The following COL25A1 variants were observed in gnomAD, a reference collection of about 807,000 sequenced individuals.
COL25A1 encodes the protein collagen type XXV alpha 1 chain.
In COL25A1, 103 loss-of-function variants were observed where a neutral mutation model predicts 128.4. The observed-to-expected ratio is 0.80, with a 90% CI of 0.68 to 0.94. COL25A1 has a LOEUF of 0.94. Among genes scored for constraint, COL25A1 ranks in the 40% least tolerant of loss-of-function variants. The pLI, the probability that COL25A1 is intolerant of heterozygous loss-of-function variation, is 0.00. For synonymous variants in COL25A1, 279 were observed against 277.2 expected, an observed-to-expected ratio of 1.01 and a Z score of -0.06; for missense variants, 745 against 840.0, an observed-to-expected ratio of 0.89 and a Z score of 1.40.
intron 6 of COL25A1, among the ~76,000 whole-genome samples, chr4:108,992,961 G>GTA (rs1754367979): frequency 6.6e-6 from 1 of 152,100 alleles, no homozygotes; most frequent in East Asian, 1.9e-4. Context: ...ATGTTCAGAA[G>GTA]TATATATACA....
At chr4:109,073,619 T>C (rs372431216) in intron 3 of COL25A1, among the ~76,000 whole-genome samples, 1 of 152,226 alleles carries the variant, frequency 6.6e-6, no homozygotes, top group African/African-American at 2.4e-5. Flanking sequence ...TTGTGTGGTC[T>C]ACTGATAATC....
intron 3 of COL25A1, among the ~76,000 whole-genome samples, chr4:109,232,692 G>A (rs1779238756): frequency 6.6e-6 from 1 of 152,104 alleles, no homozygotes; most frequent in African/African-American, 2.4e-5. Context: ...GACAAATCAT[G>A]TAATTTGGTC....
intron 3 of COL25A1, among the ~76,000 whole-genome samples, chr4:109,210,531 G>T (rs1394654568): frequency 6.6e-6 from 1 of 152,142 alleles, no homozygotes; most frequent in Non-Finnish European, 1.5e-5. Context: ...AAATTGCAAT[G>T]TGATCTTATT....
At position 109,277,010 on chromosome 4, in the gene COL25A1, A is replaced by G. The variant is rs190848352; in HGVS notation, c.367+23573T>C. On this transcript the variant is annotated intron_variant, in intron 3 of 37. Transcript: ENST00000399132. Reference sequence around the variant, plus strand: ...CTGTTATTCCTACAAGATAAATTTTAGATGCTTTCATATTCATTGCTCCCG... The same window carrying G: ...CTGTTATTCCTACAAGATAAATTTTGGATGCTTTCATATTCATTGCTCCCG... 1.1e-3 allele frequency among the ~76,000 whole-genome samples: 160 copies of G among 152,300 alleles called. 2 individuals carry two copies. The highest frequency in any genetic ancestry group is 3.5e-3 in the African/African-American group (146 of 41,568).
intron 8 of COL25A1, among the ~76,000 whole-genome samples, chr4:108,966,258 CAT>C (rs35439332): frequency 0.41 from 61,990 of 151,802 alleles, 13,018 homozygotes; most frequent in East Asian, 0.57. Context: ...TTCATCCATT[CAT>C]ATGTTTTCTG....
chr4:109,282,329 T>G (rs905747649), intron 3 of COL25A1, among the ~76,000 whole-genome samples: 1 of 152,148 alleles, frequency 6.6e-6, no homozygotes, highest in African/African-American at 2.4e-5. Context: ...TCAAGAGTGA[T>G]TATTATTAAC....
chr4:109,063,723 A>T (rs542245165), intron 3 of COL25A1, among the ~76,000 whole-genome samples: 5 of 152,270 alleles, frequency 3.3e-5, no homozygotes, highest in South Asian at 2.1e-4. Flanking sequence ...ACTGCAGCTT[A>T]CCATGAGACT....
intron 19 of COL25A1, among the ~76,000 whole-genome samples, chr4:108,880,065 T>A (rs1448284509): frequency 6.6e-6 from 1 of 152,216 alleles, no homozygotes; most frequent in Non-Finnish European, 1.5e-5. Flanking sequence ...CGCCTTGGCC[T>A]CCCAAAGTGC....
intron 3 of COL25A1, among the ~76,000 whole-genome samples, chr4:109,082,953 ATATTATT>A (rs1354304709): frequency 9.8e-5 from 15 of 152,302 alleles, no homozygotes; most frequent in African/African-American, 3.4e-4. Context: ...ATCTCATTAA[ATATTATT>A]AGATGAGAAA....
intron 27 of COL25A1, among the ~76,000 whole-genome samples, chr4:108,847,377 A>G (rs890418717): frequency 1.3e-5 from 2 of 152,036 alleles, no homozygotes; most frequent in African/African-American, 2.4e-5. Flanking sequence ...ATTAAAACCG[A>G]TGGAGAAAAA....
chr4:108,938,755 G>A (rs1460561370), intron 10 of COL25A1, among the ~76,000 whole-genome samples: 1 of 152,170 alleles, frequency 6.6e-6, no homozygotes, highest in African/African-American at 2.4e-5. Flanking sequence ...TACTCAGAAG[G>A]CTGAGACAGG....
intron 3 of COL25A1, among the ~76,000 whole-genome samples, chr4:109,268,796 C>T (rs994456718): frequency 2.0e-5 from 3 of 152,118 alleles, no homozygotes; most frequent in African/African-American, 4.8e-5. Context: ...GAACAAGCTG[C>T]CTAGCTAGTG....
intron 5 of COL25A1, among the ~76,000 whole-genome samples, chr4:109,046,354 A>G (rs1760430647): frequency 1.3e-5 from 2 of 152,228 alleles, no homozygotes; most frequent in African/African-American, 4.8e-5. Flanking sequence ...CAAGAAAGCG[A>G]GAGCTATATG....
chr4:108,831,683 A>G (rs377298259), intron 32 of COL25A1, among the ~76,000 whole-genome samples: 50 of 94,394 alleles, frequency 5.3e-4, no homozygotes, highest in African/African-American at 2.0e-3. Context: ...AAAGAGAGAG[A>G]GGGGGAGAGA....
intron 6 of COL25A1, among the ~76,000 whole-genome samples, chr4:108,980,503 G>A (rs1159820663): frequency 6.6e-6 from 1 of 152,196 alleles, no homozygotes; most frequent in Non-Finnish European, 1.5e-5. Flanking sequence ...ATCAAATAGA[G>A]TTTAAATCTG....
At chr4:109,122,826 G>A (rs1177374568) in intron 3 of COL25A1, among the ~76,000 whole-genome samples, 1 of 152,032 alleles carries the variant, frequency 6.6e-6, no homozygotes, top group African/African-American at 2.4e-5. Flanking sequence ...ATGGAACCAT[G>A]AACATAGAGA....
chr4:109,148,279 T>C (rs1046616029), intron 3 of COL25A1, among the ~76,000 whole-genome samples: 2 of 152,120 alleles, frequency 1.3e-5, no homozygotes, highest in African/African-American at 4.8e-5. Context: ...TATAAAAAAA[T>C]TGACATAAAA....
intron 6 of COL25A1, among the ~76,000 whole-genome samples, chr4:108,992,424 T>C (rs1754317735): frequency 6.6e-6 from 1 of 152,208 alleles, no homozygotes; most frequent in Admixed American, 6.5e-5. Flanking sequence ...AGTTTTAAAA[T>C]ATAACTAGCT....
chr4:108,943,993 ATG>A (rs1748442525), intron 8 of COL25A1, among the ~76,000 whole-genome samples: 2 of 152,170 alleles, frequency 1.3e-5, no homozygotes, highest in African/African-American at 2.4e-5. Flanking sequence ...TATTAGTTTC[ATG>A]AATATTTCAC....
Sources: allele counts gnomAD v4.1 joint callset (sites outside exome capture counted in the v4.1 genomes callset), GRCh38; gene constraint gnomAD v4.1.1; transcripts MANE v1.5; gene names NCBI Gene and HGNC (gene_info 2026-07-23, HGNC 2026-07-21).